C12orf42: variants seen among roughly 807,000 people sequenced by gnomAD.
The protein encoded by C12orf42 is chromosome 12 open reading frame 42.
A neutral mutation model predicts 21.6 loss-of-function variants in C12orf42; 25 were observed. The observed-to-expected ratio is 1.16, with a 90% CI of 0.84 to 1.62. The LOEUF (loss-of-function observed/expected upper bound fraction) is 1.62, where lower values mean the gene tolerates loss of function less well. Ranked by LOEUF, C12orf42 falls within the 40% of genes most tolerant of loss-of-function variation. The pLI, the probability that C12orf42 is intolerant of heterozygous loss-of-function variation, is 0.00. For synonymous variants in C12orf42, 174 were observed against 175.0 expected (o/e 0.99, Z 0.05); for missense variants, 483 against 459.3 (o/e 1.05, Z -0.47).
the C12orf42 span, among the ~76,000 whole-genome samples, chr12:103,214,158 G>A: frequency 6.6e-5 from 10 of 152,284 alleles, no homozygotes; most frequent in East Asian, 1.9e-3. Flanking sequence ...TGAACAAGGA[G>A]CCTGTTCTCT....
the C12orf42 span, chr12:103,547,756 G>A: frequency 2.0e-5 from 3 of 152,148 alleles, no homozygotes; most frequent in Non-Finnish European, 2.9e-5. Flanking sequence ...CCAGAATTCT[G>A]GAGACAATGA....
intron 4 of C12orf42, among the ~76,000 whole-genome samples, chr12:103,328,635 A>C (rs1263895338): frequency 9.2e-5 from 14 of 152,208 alleles, no homozygotes; most frequent in Non-Finnish European, 1.8e-4. Context: ...GAGTGAAAGC[A>C]TTTATTGAAC....
At chr12:103,100,970 T>A in the C12orf42 span, among the ~76,000 whole-genome samples, 121 of 152,286 alleles carry the variant, frequency 7.9e-4, no homozygotes, top group Non-Finnish European at 1.5e-3. Flanking sequence ...GATGTGGTAG[T>A]GAGGTGGAAA....
chr12:103,156,237 A>C, the C12orf42 span: 1 of 152,160 alleles, frequency 6.6e-6, no homozygotes, highest in African/African-American at 2.4e-5. Context: ...CCACAGAAGC[A>C]TACCTAATGT....
chr12:103,190,188 G>A, the C12orf42 span, among the ~76,000 whole-genome samples: 1 of 152,152 alleles, frequency 6.6e-6, no homozygotes, highest in African/African-American at 2.4e-5. Flanking sequence ...AGAGCCTCTG[G>A]GCAACCCCTG....
downstream of C12orf42, among the ~76,000 whole-genome samples, chr12:103,301,191 AT>A (rs1269258413): frequency 1.6e-4 from 24 of 151,996 alleles, no homozygotes; most frequent in Non-Finnish European, 2.9e-4. Context: ...AGAAAAAAAA[AT>A]TTTTTTTAAA....
chr12:103,440,368 C>G (rs1292528671), intron 2 of C12orf42, among the ~76,000 whole-genome samples: 1 of 140,564 alleles, frequency 7.1e-6, no homozygotes, highest in Non-Finnish European at 1.5e-5. Flanking sequence ...TGTAACTAAC[C>G]TGCACAATGT....
chr12:103,123,441 C>G, the C12orf42 span, among the ~76,000 whole-genome samples: 15 of 152,140 alleles, frequency 9.9e-5, no homozygotes, highest in East Asian at 9.7e-4. Flanking sequence ...GAAAAGGCAT[C>G]TGATTTGAAG....
chr12:103,374,881 C>T (rs925202697), intron 3 of C12orf42, among the ~76,000 whole-genome samples: 3 of 152,152 alleles, frequency 2.0e-5, no homozygotes, highest in African/African-American at 7.2e-5. Context: ...AAAGATGATT[C>T]TGATAAGGAC....
At chr12:103,420,889 T>A (rs150994164) in intron 2 of C12orf42, among the ~76,000 whole-genome samples, 313 of 152,334 alleles carry the variant, frequency 2.1e-3, no homozygotes, top group African/African-American at 7.1e-3. Flanking sequence ...TTATGAATAA[T>A]TCCCAGCAAA....
At chr12:103,515,345 C>T in the C12orf42 span, among the ~76,000 whole-genome samples, 12 of 152,040 alleles carry the variant, frequency 7.9e-5, no homozygotes, top group African/African-American at 2.7e-4. Flanking sequence ...GCAGGAGATC[C>T]TTAGGGAAAA....
the C12orf42 span, among the ~76,000 whole-genome samples, chr12:103,102,553 C>T: frequency 1.3e-4 from 20 of 152,144 alleles, no homozygotes; most frequent in Admixed American, 2.0e-4. Context: ...CCTTCCTCAT[C>T]GCTCTTCAGA....
chr12:103,482,835 C>T (rs1954567067), intron 1 of C12orf42, among the ~76,000 whole-genome samples: 1 of 151,860 alleles, frequency 6.6e-6, no homozygotes, highest in Non-Finnish European at 1.5e-5. Flanking sequence ...ACTGGATAAT[C>T]TCTTTAGATT....
chr12:103,103,579 C>T, the C12orf42 span, among the ~76,000 whole-genome samples: 1 of 152,004 alleles, frequency 6.6e-6, no homozygotes, highest in Non-Finnish European at 1.5e-5. Context: ...TAATCATAGC[C>T]CCTATGGATC....
upstream of C12orf42, among the ~76,000 whole-genome samples, chr12:103,497,521 C>T (rs1399313674): frequency 1.3e-5 from 2 of 152,186 alleles, no homozygotes; most frequent in Non-Finnish European, 2.9e-5. Flanking sequence ...TTAACCCCAA[C>T]AATATCACAG....
the C12orf42 span, among the ~76,000 whole-genome samples, chr12:103,227,538 C>T: frequency 2.6e-5 from 4 of 152,056 alleles, no homozygotes; most frequent in African/African-American, 4.8e-5. Flanking sequence ...TGGGACTTGC[C>T]GCTAAGGGTG....
chr12:103,554,827 T>C, the C12orf42 span, among the ~76,000 whole-genome samples: 1 of 152,172 alleles, frequency 6.6e-6, no homozygotes, highest in Admixed American at 6.5e-5. Flanking sequence ...ACCATGCCAA[T>C]GATCCAGTCA....
the C12orf42 span, among the ~76,000 whole-genome samples, chr12:103,137,126 T>C: frequency 3.9e-5 from 6 of 152,074 alleles, no homozygotes; most frequent in Non-Finnish European, 8.8e-5. Flanking sequence ...AAACTATTCA[T>C]TCAAGGAACT....
intron 2 of C12orf42, among the ~76,000 whole-genome samples, chr12:103,412,437 G>A (rs2048929503): frequency 6.6e-6 from 1 of 152,238 alleles, no homozygotes. Flanking sequence ...GGGAGGCTGA[G>A]GCAGGCAGAT....
Sources: allele counts gnomAD v4.1 joint callset (sites outside exome capture counted in the v4.1 genomes callset), GRCh38; gene constraint gnomAD v4.1.1; transcripts MANE v1.5; gene names NCBI Gene and HGNC (gene_info 2026-07-23, HGNC 2026-07-21).